The following LOC400499 variants were observed in gnomAD, a reference collection of about 807,000 sequenced individuals.
the LOC400499 span, among the ~76,000 whole-genome samples, chr16:11,430,250 T>C: frequency 2.0e-5 from 3 of 151,708 alleles, no homozygotes; most frequent in African/African-American, 7.3e-5. Context: ...ACTTTGGGAG[T>C]GGAGGCAGAT....
chr16:11,383,846 A>G, the LOC400499 span: 2 of 1,232,044 alleles, frequency 1.6e-6, no homozygotes, highest in African/African-American at 1.6e-5. Flanking sequence ...TTGATGAGAC[A>G]AAGGGCCTTC....
the LOC400499 span, among the ~76,000 whole-genome samples, chr16:11,453,574 T>C: frequency 2.0e-5 from 3 of 152,036 alleles, no homozygotes; most frequent in African/African-American, 7.2e-5. Flanking sequence ...CTTGAAAATA[T>C]AAGATAATCC....
the LOC400499 span, among the ~76,000 whole-genome samples, chr16:11,381,633 G>GTGTCATTCATGGTAA: frequency 6.6e-6 from 1 of 152,232 alleles, no homozygotes; most frequent in African/African-American, 2.4e-5. Flanking sequence ...CCTTGAGTAA[G>GTGTCATTCATGGTAA]TGTCATTCAT....
the LOC400499 span, among the ~76,000 whole-genome samples, chr16:11,483,854 G>T: frequency 6.6e-6 from 1 of 151,922 alleles, no homozygotes; most frequent in South Asian, 2.1e-4. Flanking sequence ...CAGCTTGGGT[G>T]ACAGAGTGAG....
At chr16:11,445,498 A>C in the LOC400499 span, among the ~76,000 whole-genome samples, 1 of 152,132 alleles carries the variant, frequency 6.6e-6, no homozygotes, top group East Asian at 1.9e-4. Flanking sequence ...TCTGGGGGTC[A>C]GGTGAGAGGA....
At chr16:11,453,653 G>C in the LOC400499 span, among the ~76,000 whole-genome samples, 4 of 151,912 alleles carry the variant, frequency 2.6e-5, no homozygotes, top group African/African-American at 9.7e-5. Context: ...CAGAACCAAA[G>C]GACAAAGAAA....
At chr16:11,477,592 G>C in the LOC400499 span, among the ~76,000 whole-genome samples, 1 of 152,352 alleles carries the variant, frequency 6.6e-6, no homozygotes, top group African/African-American at 2.4e-5. Flanking sequence ...CAGCCACCTC[G>C]TACTGCGGTG....
At chr16:11,384,368 G>A in the LOC400499 span, 802 of 1,112,056 alleles carry the variant, frequency 7.2e-4, 1 homozygote, top group African/African-American at 7.1e-3. Context: ...AAGACCCTGT[G>A]ATCCTCCCCC....
the LOC400499 span, among the ~76,000 whole-genome samples, chr16:11,439,892 C>A: frequency 6.6e-6 from 1 of 152,110 alleles, no homozygotes; most frequent in East Asian, 1.9e-4. Context: ...TTGAACCAGG[C>A]ACTGTGCTAC....
the LOC400499 span, among the ~76,000 whole-genome samples, chr16:11,451,843 G>A: frequency 6.6e-6 from 1 of 152,148 alleles, no homozygotes; most frequent in East Asian, 1.9e-4. Context: ...CGGGAAGGAG[G>A]AGCCGCGGAG....
chr16:11,374,412 CTT>C, the LOC400499 span, among the ~76,000 whole-genome samples: 3 of 152,196 alleles, frequency 2.0e-5, no homozygotes, highest in Admixed American at 2.0e-4. Context: ...TACATGCACA[CTT>C]TTGTGCAACC....
chr16:11,460,717 CA>C, the LOC400499 span: 1 of 1,411,346 alleles, frequency 7.1e-7, no homozygotes, highest in Non-Finnish European at 9.3e-7. Flanking sequence ...CCACACCCCC[CA>C]TGCTTTGCTC....
chr16:11,415,396 C>T, the LOC400499 span, among the ~76,000 whole-genome samples: 1 of 152,224 alleles, frequency 6.6e-6, no homozygotes, highest in African/African-American at 2.4e-5. Flanking sequence ...ATCTGGCCAG[C>T]AGGGTGGACG....
chr16:11,397,627 A>T, the LOC400499 span, among the ~76,000 whole-genome samples: 1 of 152,080 alleles, frequency 6.6e-6, no homozygotes, highest in African/African-American at 2.4e-5. Context: ...TATTGTCTAT[A>T]GCTGCTTTCA....
At chr16:11,470,955 A>C in the LOC400499 span, among the ~76,000 whole-genome samples, 1 of 152,226 alleles carries the variant, frequency 6.6e-6, no homozygotes, top group Non-Finnish European at 1.5e-5. Flanking sequence ...GTGGCCTTGA[A>C]AAAGGGGCCA....
chr16:11,491,185 G>C, the LOC400499 span, among the ~76,000 whole-genome samples: 5 of 152,164 alleles, frequency 3.3e-5, no homozygotes, highest in Non-Finnish European at 7.3e-5. Flanking sequence ...ATTTGAACCT[G>C]GGTTCTCAGG....
chr16:11,527,311 G>C, the LOC400499 span, among the ~76,000 whole-genome samples: 1 of 152,130 alleles, frequency 6.6e-6, no homozygotes, highest in Admixed American at 6.6e-5. Flanking sequence ...TAGAAGGGGA[G>C]GTGGGGGGCA....
chr16:11,384,078 G>T, the LOC400499 span: 2 of 1,230,860 alleles, frequency 1.6e-6, no homozygotes, highest in Non-Finnish European at 2.0e-6. Context: ...ACTGGCCTCA[G>T]CAGGAGACTT....
At chr16:11,524,728 G>A in the LOC400499 span, among the ~76,000 whole-genome samples, 7 of 151,742 alleles carry the variant, frequency 4.6e-5, no homozygotes, top group Non-Finnish European at 7.4e-5. Context: ...CCCTCCCTGG[G>A]AAGGCCAGCA....
Sources: allele counts gnomAD v4.1 joint callset (sites outside exome capture counted in the v4.1 genomes callset), GRCh38; gene constraint gnomAD v4.1.1; transcripts MANE v1.5.